Variants in ADGRL1 observed in about 807,000 individuals in gnomAD.
ADGRL1 encodes the protein CIRL-1.
In ADGRL1, 31 loss-of-function variants were observed where a neutral mutation model predicts 148.9. The ratio of observed to expected loss-of-function variants is 0.21; its 90% confidence interval spans 0.16 to 0.28. ADGRL1 has a LOEUF of 0.28. Ranked by LOEUF, ADGRL1 falls within the 10% of genes least tolerant of loss-of-function variation. ADGRL1 has a pLI of 1.00. For missense variants in ADGRL1, 1,521 were observed against 2,058.8 expected, an observed-to-expected ratio of 0.74 and a Z score of 5.05; for synonymous variants, 937 against 900.3, an observed-to-expected ratio of 1.04 and a Z score of -0.73.
intron 4 of ADGRL1, among the ~76,000 whole-genome samples, chr19:14,165,727 G>T (rs1969897296): frequency 6.6e-6 from 1 of 151,668 alleles, no homozygotes; most frequent in African/African-American, 2.4e-5. Flanking sequence ...GTGGTGAGGG[G>T]GCGGACCTGG....
intron 16 of ADGRL1, 46 bp downstream of exon 16, chr19:14,156,612 T>C: frequency 6.5e-7 from 1 of 1,534,350 alleles, no homozygotes; most frequent in Non-Finnish European, 8.9e-7. Context: ...AAGGCCAGCC[T>C]GGATGAAGGA....
At chr19:14,179,737 A>G (rs967097343) in intron 2 of ADGRL1, among the ~76,000 whole-genome samples, 1 of 151,124 alleles carries the variant, frequency 6.6e-6, no homozygotes, top group African/African-American at 2.4e-5. Context: ...TGAAACCCCC[A>G]TCTCTACTTA....
At position 14,148,707 on chromosome 19, in the gene ADGRL1, C is replaced by T. The variant is rs1223396699; in HGVS notation, c.*2166G>A. 1.3e-5 allele frequency: 2 copies of T among 152,756 alleles called. No individual in the cohort carries two copies. Among genetic ancestry groups the T allele is most frequent in the African/African-American group, 4.8e-5 (2 of 41,456 alleles). 9.5% of individuals were successfully genotyped at this position (152,756 alleles called of 1,614,324 possible). On this transcript the variant is annotated 3_prime_UTR_variant, in exon 23 of 23. Transcript: ENST00000361434. Reference sequence around the variant, plus strand: ...TGGTCTTCTGGTGTAATGGGTTAGGCCTTTCTACCAGAAAAAGCCAGAGTT... The same window carrying T: ...TGGTCTTCTGGTGTAATGGGTTAGGTCTTTCTACCAGAAAAAGCCAGAGTT...
intron 2 of ADGRL1, among the ~76,000 whole-genome samples, chr19:14,182,761 G>T (rs1029764952): frequency 5.3e-5 from 8 of 152,234 alleles, no homozygotes; most frequent in African/African-American, 1.9e-4. Context: ...GAACGTAGCA[G>T]CAGAGGAGTG....
chr19:14,151,070 G>GGGGGGGGGGGGGGGGGGGC lies in ADGRL1; in HGVS notation c.4212_4213insGCCCCCCCCCCCCCCCCCC (p.Pro1405AlafsTer44). ...CCGGGGGGTGCGGGAGGGGGTGGGGGCAGGGCCTCACTGGGCCCCTCAGGG... is the reference window on the plus strand; with the variant it reads ...CCGGGGGGTGCGGGAGGGGGTGGGGGGGGGGGGGGGGGGGGGGGCCAGGGCCTCACTGGGCCCCTCAGGG... On this transcript the variant is annotated frameshift_variant, in exon 23 of 23. Coordinates refer to ENST00000361434, the MANE Select transcript of ADGRL1 (RefSeq NM_014921.5). LOFTEE classifies it high-confidence loss of function. 1 of 709,398 alleles carries GGGGGGGGGGGGGGGGGGGC rather than the reference G, an allele frequency of 1.4e-6. No individual in the cohort carries two copies. The highest frequency in any genetic ancestry group is 2.2e-6 in the Non-Finnish European group (1 of 459,058). The allele number at this position is 709,398 out of a possible 1,614,324, so 43.9% of individuals were successfully genotyped here.
chr19:14,184,628 TTA>T (rs1568618682), intron 1 of ADGRL1, among the ~76,000 whole-genome samples: 11 of 95,426 alleles, frequency 1.2e-4, no homozygotes, highest in Non-Finnish European at 1.9e-4. Context: ...ATTTATTTAT[TTA>T]TTTATTTATT....
At chr19:14,165,465 G>A (rs946055351) in intron 4 of ADGRL1, among the ~76,000 whole-genome samples, 16 of 152,108 alleles carry the variant, frequency 1.1e-4, no homozygotes, top group African/African-American at 3.4e-4. Flanking sequence ...GTGGTTAGAG[G>A]TCAACCCAGG....
rs1967868171 is a variant in ADGRL1 at position 14,148,957 on chromosome 19, T to TGGC, written c.*1913_*1915dup. ...CTCCCCCTTAACCCAACAAAGTTCATGGCAGCAGCAGGCTGAGACCCGAAG... is the reference window on the plus strand; with the variant it reads ...CTCCCCCTTAACCCAACAAAGTTCATGGCGGCAGCAGCAGGCTGAGACCCGAAG... On this transcript the variant is annotated 3_prime_UTR_variant, in exon 23 of 23. Coordinates refer to ENST00000361434, the MANE Select transcript of ADGRL1 (RefSeq NM_014921.5). 6.5e-6 allele frequency: 1 copy of TGGC among 152,790 alleles called. No individual in the cohort carries two copies. The highest frequency in any genetic ancestry group is 2.4e-5 in the African/African-American group (1 of 41,394). 9.5% of individuals were successfully genotyped at this position (152,790 alleles called of 1,614,324 possible).
rs1285288185 is a variant in ADGRL1, at chr19:14,157,411, C to T, written c.2585G>A (p.Gly862Asp). 1 of 1,614,168 alleles carries T rather than the reference C, an allele frequency of 6.2e-7. No individual in the cohort carries two copies. Among genetic ancestry groups the T allele is most frequent in the Admixed American group, 1.7e-5 (1 of 60,020 alleles). Residue 862 changes from glycine to aspartate, a missense_variant, in exon 14 of 23, where the codon GGC becomes GAC. Transcript: ENST00000361434. This position sits in a 1 kb window ranked among gnomAD's most constrained non-coding sequence, Gnocchi z 7.5. Reference protein sequence around the residue: ...ELLLSVITWVGIVISLVCLAI... With the variant: ...ELLLSVITWVDIVISLVCLAI... ...CAAGCAGACCAGGGAGATCACAATG[C>T]CCACCCAGGTGATGACCGACAGCAG... is the stretch of plus-strand genomic sequence containing the variant.
In ADGRL1 at chr19:14,151,383, C is replaced by T. The variant is rs759505761; in HGVS notation, c.3900G>A (p.Pro1300=). The change falls in exon 23 of 23, where the codon CCG becomes CCA. Residue 1300 remains proline (P), a synonymous_variant. Coordinates refer to ENST00000361434, the MANE Select transcript of ADGRL1 (RefSeq NM_014921.5). Reference sequence around the variant, plus strand: ...GCACAGGTGGCACAGGGGGCTCAGGCGGTGGAGGGCCCTTGGCCGCGCTGC... The same window carrying T: ...GCACAGGTGGCACAGGGGGCTCAGGTGGTGGAGGGCCCTTGGCCGCGCTGC... ...GSSSAAKGPP[P]PEPPVPPVPG... 2.0e-5 allele frequency: 32 copies of T among 1,604,012 alleles called. No individual in the cohort carries two copies. Among genetic ancestry groups the T allele is most frequent in the African/African-American group, 4.0e-5 (3 of 74,626 alleles).
At chr19:14,184,399 A>G (rs1971430813) in intron 1 of ADGRL1, among the ~76,000 whole-genome samples, 1 of 149,652 alleles carries the variant, frequency 6.7e-6, no homozygotes, top group Non-Finnish European at 1.5e-5. Context: ...CTCTGTCCCC[A>G]GGCACAGCGG....
At position 14,176,340 on chromosome 19, in the gene ADGRL1, G is replaced by C. The variant is rs540894267; in HGVS notation, c.284+1191C>G. On this transcript the variant is annotated intron_variant, in intron 3 of 22. Transcript: ENST00000361434. ...CACTCCAGCCTGGGTGACAGACTGAGACTCTGTCTCAAAAATTAAATAACT... is the reference window on the plus strand; with the variant it reads ...CACTCCAGCCTGGGTGACAGACTGACACTCTGTCTCAAAAATTAAATAACT... Among the ~76,000 whole-genome samples, 4 of 152,270 alleles carry C rather than the reference G, an allele frequency of 2.6e-5. No individual in the cohort carries two copies. The East Asian group carries it at 7.7e-4, about 29-fold the overall frequency.
Position 14,150,006 on chromosome 19 carries a change from G to C in ADGRL1, c.*867C>G, listed in dbSNP as rs933508874. The C allele has an allele frequency of 3.3e-5, 5 of 150,156 alleles. No homozygotes were observed. Among genetic ancestry groups the C allele is most frequent in the African/African-American group, 1.2e-4 (5 of 40,618 alleles). 9.3% of individuals were successfully genotyped at this position (150,156 alleles called of 1,614,324 possible). On this transcript the variant is annotated 3_prime_UTR_variant, in exon 23 of 23. Coordinates refer to ENST00000361434, the MANE Select transcript of ADGRL1 (RefSeq NM_014921.5). The stretch of plus-strand genomic sequence containing the variant: ...ATGGGGAAGGAGGAGGAGAGAGGAA[G>C]GAGTAAGAGGGCCCCCTAGGGAAAG...
Position 14,162,975 on chromosome 19 carries a change from A to G in ADGRL1, c.826T>C (p.Tyr276His). ...AVDENGLWVI[Y>H]ATEGNNGRLV... ...CGCCCGTTGTTGCCCTCAGTGGCGT[A>G]GATGACCCACAGCCCGTTCTCGTCC... Residue 276 changes from tyrosine to histidine, a missense_variant, in exon 5 of 23, where the codon TAC (tyrosine) becomes CAC (histidine). This residue lies in a region of ADGRL1 where 334 missense variants were observed against 512.5 expected (regional missense o/e 0.65). Coordinates refer to ENST00000361434, the MANE Select transcript of ADGRL1 (RefSeq NM_014921.5). This position sits in a 1 kb window ranked among gnomAD's most constrained non-coding sequence, Gnocchi z 5.4. The G allele has an allele frequency of 6.2e-7, 1 of 1,613,954 alleles. No individual in the cohort carries two copies. The highest frequency in any genetic ancestry group is 8.5e-7 in the Non-Finnish European group (1 of 1,179,984).
intron 18 of ADGRL1, 121 bp from the exon 19 acceptor site, chr19:14,153,033 G>C (rs1488486245): frequency 6.0e-6 from 7 of 1,169,766 alleles, no homozygotes; most frequent in African/African-American, 1.5e-5. Flanking sequence ...TCCAATGACT[G>C]TGTTCCCCTG....
chr19:14,165,204 G>C (rs113062704), intron 4 of ADGRL1, among the ~76,000 whole-genome samples: 1 of 152,332 alleles, frequency 6.6e-6, no homozygotes, highest in African/African-American at 2.4e-5. Flanking sequence ...TTTGTAGAGG[G>C]AGAGGAGCCT....
intron 4 of ADGRL1, chr19:14,167,046 GAAGA>G: frequency 6.2e-7 from 1 of 1,601,406 alleles, no homozygotes; most frequent in Non-Finnish European, 8.5e-7. Flanking sequence ...TTAAGCATCG[GAAGA>G]GAGAGAGAAA....
intron 3 of ADGRL1, among the ~76,000 whole-genome samples, chr19:14,177,300 G>A (rs1970889281): frequency 6.6e-6 from 1 of 152,074 alleles, no homozygotes; most frequent in South Asian, 2.1e-4. Context: ...GTGGGGGGAG[G>A]GACTTCCCAG....
chr19:14,187,607 C>T (rs1390677093), intron 1 of ADGRL1, among the ~76,000 whole-genome samples: 1 of 148,322 alleles, frequency 6.7e-6, no homozygotes, highest in South Asian at 2.2e-4. Flanking sequence ...CGTCTCCCCC[C>T]ACATCCCTGA....
Sources: allele counts gnomAD v4.1 joint callset (sites outside exome capture counted in the v4.1 genomes callset), GRCh38; gene constraint gnomAD v4.1.1; regional missense constraint gnomAD v4.1.1; non-coding constraint Gnocchi (gnomAD v3.1); transcripts MANE v1.5; gene names NCBI Gene and HGNC (gene_info 2026-07-23, HGNC 2026-07-21).